Variants in OCA2 observed in about 807,000 individuals in gnomAD.
OCA2 encodes OCA2 melanosomal transmembrane protein, also known as P protein.
Under a neutral mutation model 100.2 loss-of-function variants are expected in OCA2, and 77 were observed. The ratio of observed to expected loss-of-function variants is 0.77; its 90% CI spans 0.64 to 0.93. The LOEUF is 0.93. Among genes scored for constraint, OCA2 ranks in the 40% least tolerant of loss-of-function variants. OCA2 has a pLI of 0.00. For synonymous variants in OCA2, 432 were observed against 439.2 expected, an observed-to-expected ratio of 0.98 and a Z score of 0.21; for missense variants, 1,062 against 1,089.1, an observed-to-expected ratio of 0.98 and a Z score of 0.35.
chr15:27,877,363 T>C (rs954168434), intron 19 of OCA2, among the ~76,000 whole-genome samples: 3 of 151,978 alleles, frequency 2.0e-5, no homozygotes, highest in Admixed American at 6.6e-5. Context: ...ATGTTATTCA[T>C]AGCTTCTATG....
chr15:27,981,979 G>A lies in OCA2; in HGVS notation c.1503+1366C>T, dbSNP rs560006034. Among the ~76,000 whole-genome samples, 139 of 152,238 alleles carry A rather than the reference G, an allele frequency of 9.1e-4. No homozygotes were observed. The Middle Eastern group carries it at 0.027, about 30-fold the overall frequency. On this transcript the variant is annotated intron_variant, in intron 14 of 23. Transcript: ENST00000354638. ...ATAGAGCTCACCGCATTTGTTTCCCGTCTCACAGGGATCACTGTCCCTTTG... is the reference window on the plus strand; with the variant it reads ...ATAGAGCTCACCGCATTTGTTTCCCATCTCACAGGGATCACTGTCCCTTTG...
At chr15:27,763,122 A>G (rs1042183524) in intron 23 of OCA2, among the ~76,000 whole-genome samples, 7 of 152,352 alleles carry the variant, frequency 4.6e-5, no homozygotes, top group African/African-American at 1.4e-4. Flanking sequence ...TACAAACATT[A>G]ACTCATAATG....
At chr15:28,082,082 G>C (rs1043583841) in intron 1 of OCA2, among the ~76,000 whole-genome samples, 187 bp from the exon 2 acceptor site, 4 of 152,154 alleles carry the variant, frequency 2.6e-5, no homozygotes, top group African/African-American at 9.7e-5. Context: ...GGGTGGAGTG[G>C]GAACTTGCAG....
intron 3 of OCA2, among the ~76,000 whole-genome samples, chr15:28,030,956 G>A (rs541815429): frequency 3.9e-5 from 6 of 152,264 alleles, no homozygotes; most frequent in African/African-American, 1.2e-4. Flanking sequence ...TACCGGGCAC[G>A]AGAGAAGACC....
chr15:28,061,378 C>T (rs1420416486), intron 2 of OCA2, among the ~76,000 whole-genome samples: 3 of 152,128 alleles, frequency 2.0e-5, no homozygotes, highest in Non-Finnish European at 2.9e-5. Flanking sequence ...GACTCAAAAA[C>T]ATGAGTTCAG....
intron 7 of OCA2, 143 bp from the exon 8 acceptor site, chr15:28,016,329 A>G: frequency 1.4e-6 from 1 of 730,680 alleles, no homozygotes; most frequent in Admixed American, 2.0e-5. Context: ...TTGAGCTCTC[A>G]CATCTCTGAT....
intron 23 of OCA2, among the ~76,000 whole-genome samples, chr15:27,767,258 G>A (rs2031337598): frequency 1.3e-5 from 2 of 151,714 alleles, no homozygotes; most frequent in African/African-American, 4.9e-5. Flanking sequence ...CCCTTTGACT[G>A]GCCTAAAGAG....
intron 1 of OCA2, among the ~76,000 whole-genome samples, chr15:28,090,562 A>C (rs1248466314): frequency 6.6e-6 from 1 of 152,218 alleles, no homozygotes; most frequent in Non-Finnish European, 1.5e-5. Flanking sequence ...AAATCTGCAC[A>C]CTTAGAAATT....
rs553545315 is a variant in OCA2, at chr15:28,072,568, C to T, written c.227+9080G>A. Among the ~76,000 whole-genome samples the T allele has an allele frequency of 1.2e-4, 16 of 132,028 alleles. No individual in the cohort carries two copies. In the East Asian group the frequency reaches 2.8e-3, roughly 23 times the overall value. 86.6% of individuals were successfully genotyped at this position (132,028 alleles called of 152,430 possible). On this transcript the variant is annotated intron_variant, in intron 2 of 23. Coordinates refer to ENST00000354638, the MANE Select transcript of OCA2 (RefSeq NM_000275.3). The stretch of plus-strand genomic sequence containing the variant: ...TCGCATCACTGCACTCCAGCCTGGG[C>T]GACAGAGCAAGATTCCGTCTCAAAA...
At chr15:27,876,821 T>C (rs1031494837) in intron 19 of OCA2, among the ~76,000 whole-genome samples, 3 of 151,928 alleles carry the variant, frequency 2.0e-5, no homozygotes, top group Non-Finnish European at 4.4e-5. Flanking sequence ...GTGTGTTCAA[T>C]TGTTTCTTTT....
At chr15:27,739,996 T>C in the OCA2 span, among the ~76,000 whole-genome samples, 32 of 152,268 alleles carry the variant, frequency 2.1e-4, no homozygotes, top group Admixed American at 1.3e-3. Context: ...CACACTACTG[T>C]TTAAGGTACA....
In OCA2 at chr15:27,851,696, G is replaced by A. The variant is rs13313425; in HGVS notation, c.2245-221C>T. Among the ~76,000 whole-genome samples, 17,398 of 152,138 alleles carry A rather than the reference G, an allele frequency of 0.11. 2,382 individuals carry two copies. Among genetic ancestry groups the A allele is most frequent in the African/African-American group, 0.32 (13,352 of 41,440 alleles). Reference sequence around the variant, plus strand: ...CAGCTGCCACCAACTGGTCCTCCTGGTCCTGAGCCCTGCCAGCTGTTGTGG... The same window carrying A: ...CAGCTGCCACCAACTGGTCCTCCTGATCCTGAGCCCTGCCAGCTGTTGTGG... On this transcript the variant is annotated intron_variant, in intron 21 of 23. Transcript: ENST00000354638.
the OCA2 span, among the ~76,000 whole-genome samples, chr15:27,738,531 C>G: frequency 2.0e-5 from 3 of 152,064 alleles, no homozygotes; most frequent in Non-Finnish European, 2.9e-5. Context: ...GTCAGGAGAT[C>G]GAGACCATCC....
At chr15:28,075,973 A>G (rs2044415100) in intron 2 of OCA2, among the ~76,000 whole-genome samples, 1 of 152,230 alleles carries the variant, frequency 6.6e-6, no homozygotes, top group Non-Finnish European at 1.5e-5. Context: ...TGCATTTGTC[A>G]AAACTCATAG....
intron 19 of OCA2, among the ~76,000 whole-genome samples, chr15:27,893,335 T>C (rs991338883): frequency 2.6e-5 from 4 of 152,180 alleles, no homozygotes; most frequent in Non-Finnish European, 5.9e-5. Context: ...TACAAATTGA[T>C]TGTAAAACAC....
chr15:27,799,563 C>T (rs377616482), intron 23 of OCA2, among the ~76,000 whole-genome samples: 3 of 151,862 alleles, frequency 2.0e-5, no homozygotes, highest in African/African-American at 7.3e-5. Context: ...TGGCCAACAT[C>T]GTGAAATCCC....
At chr15:28,054,214 G>C (rs1292968004) in intron 2 of OCA2, among the ~76,000 whole-genome samples, 1 of 150,362 alleles carries the variant, frequency 6.7e-6, no homozygotes, top group East Asian at 1.9e-4. Flanking sequence ...ATGTGTGTAT[G>C]TATGTGTATG....
intron 19 of OCA2, among the ~76,000 whole-genome samples, chr15:27,887,648 T>G (rs1746290184): frequency 7.0e-6 from 1 of 142,226 alleles, no homozygotes. Context: ...AATTGCCCAG[T>G]CTAGGGTATG....
chr15:28,082,741 G>T (rs570716173), intron 1 of OCA2, among the ~76,000 whole-genome samples: 15 of 152,296 alleles, frequency 9.8e-5, no homozygotes, highest in African/African-American at 3.4e-4. Context: ...TCTGGATGGC[G>T]AAAGTGCCCA....
Sources: allele counts gnomAD v4.1 joint callset (sites outside exome capture counted in the v4.1 genomes callset), GRCh38; gene constraint gnomAD v4.1.1; transcripts MANE v1.5; gene names NCBI Gene and HGNC (gene_info 2026-07-23, HGNC 2026-07-21).